ALKBH5: variants seen among roughly 807,000 people sequenced by gnomAD.
ALKBH5 encodes the protein alkB homolog 5, RNA demethylase, also known as RNA demethylase ALKBH5.
Under a neutral mutation model 32.1 loss-of-function variants are expected in ALKBH5, and 2 were observed. The ratio of observed to expected loss-of-function variants is 0.06; its 90% confidence interval spans 0.03 to 0.20. The LOEUF is 0.20. ALKBH5 is among the 10% of genes least tolerant of loss of function. The probability of loss-of-function intolerance (pLI) is 1.00; values close to 1 mark genes in which losing one functional copy is unlikely to be tolerated. For missense variants in ALKBH5, 352 were observed against 559.5 expected, an observed-to-expected ratio of 0.63 and a Z score of 3.74; for synonymous variants, 300 against 231.7, an observed-to-expected ratio of 1.29 and a Z score of -2.68.
In ALKBH5 at chr17:18,208,940, TC is replaced by T. The variant is rs770135744; in HGVS notation, c.*546del. ...AGCTCATGCAAACACCCTTTCTTCC[TC>T]CTGCGGCAGAGTTGTTCAGGTTGCC... On this transcript the variant is annotated 3_prime_UTR_variant, in exon 4 of 4. Transcript: ENST00000399138. The T allele has an allele frequency of 9.8e-6, 2 of 204,114 alleles. No homozygotes were observed. The highest frequency in any genetic ancestry group is 1.4e-4 in the East Asian group (1 of 7,336). 12.6% of individuals were successfully genotyped at this position (204,114 alleles called of 1,614,324 possible). A position where few individuals can be genotyped will look rare whatever the true frequency, so the allele number is the denominator to read the frequency against.
At chr17:18,205,541 C>T (rs1216229817) in intron 2 of ALKBH5, among the ~76,000 whole-genome samples, 1 of 152,228 alleles carries the variant, frequency 6.6e-6, no homozygotes, top group Non-Finnish European at 1.5e-5. Context: ...AGATTTCCTA[C>T]CCACGTTCAG....
chr17:18,185,103 G>A (rs150152593), intron 1 of ALKBH5, 90 bp downstream of exon 1: 743 of 1,521,834 alleles, frequency 4.9e-4, no homozygotes, highest in Non-Finnish European at 6.1e-4. Context: ...AGGAGTCTGC[G>A]TTTTTTACAG....
At position 18,184,063 on chromosome 17, in the gene ALKBH5, G is replaced by A; in HGVS notation, c.-181G>A. 2.9e-6 allele frequency: 2 copies of A among 683,050 alleles called. No homozygotes were observed. The highest frequency in any genetic ancestry group is 3.0e-5 in the East Asian group (1 of 33,816). 42.3% of individuals were successfully genotyped at this position (683,050 alleles called of 1,614,324 possible). On this transcript the variant is annotated 5_prime_UTR_variant, in exon 1 of 4. Transcript: ENST00000399138. ...TGTCGCCACCGTTGCATGACCCGCC[G>A]CTCCTGAGGCCCTACCCCACGCCCG...
intron 1 of ALKBH5, among the ~76,000 whole-genome samples, chr17:18,194,213 G>A (rs1161776396): frequency 6.6e-6 from 1 of 152,060 alleles, no homozygotes; most frequent in African/African-American, 2.4e-5. Context: ...GGTGCAGTGG[G>A]CGTGATCTTG....
At chr17:18,206,258 G>C (rs546052263) in intron 2 of ALKBH5, among the ~76,000 whole-genome samples, 1 of 152,316 alleles carries the variant, frequency 6.6e-6, no homozygotes, top group African/African-American at 2.4e-5. Flanking sequence ...GAAATGAGCA[G>C]AAACTGCCAG....
intron 3 of ALKBH5, among the ~76,000 whole-genome samples, chr17:18,208,009 A>G (rs553326621): frequency 1.3e-5 from 2 of 152,306 alleles, no homozygotes; most frequent in East Asian, 3.9e-4. Context: ...CAGACCCCAC[A>G]GGGTAATTGG....
In ALKBH5 at chr17:18,208,624, G is replaced by A. The variant is rs749690919; in HGVS notation, c.*228G>A. The A allele has an allele frequency of 1.5e-5, 10 of 646,368 alleles. No homozygotes were observed. The highest frequency in any genetic ancestry group is 2.8e-5 in the Non-Finnish European group (10 of 361,312). The allele number at this position is 646,368 out of a possible 1,614,324, so 40.0% of individuals were successfully genotyped here. On this transcript the variant is annotated 3_prime_UTR_variant, in exon 4 of 4. Coordinates refer to ENST00000399138, the MANE Select transcript of ALKBH5 (RefSeq NM_017758.4). ...GGTATTCCTCCTGGATGGAAAGGCT[G>A]TTGGCATCAATAGGGGACAGAGGCT...
intron 2 of ALKBH5, among the ~76,000 whole-genome samples, chr17:18,204,046 T>C (rs1462042977): frequency 6.6e-6 from 1 of 152,174 alleles, no homozygotes; most frequent in Non-Finnish European, 1.5e-5. Flanking sequence ...GGAGGGACTT[T>C]CTTCAATGAG....
chr17:18,206,590 A>G, intron 2 of ALKBH5: 1 of 504,462 alleles, frequency 2.0e-6, no homozygotes, highest in Non-Finnish European at 3.5e-6. Flanking sequence ...GTTTCCAGAC[A>G]GAAGTGTTCC....
intron 1 of ALKBH5, among the ~76,000 whole-genome samples, chr17:18,191,500 A>G (rs2047174814): frequency 6.6e-6 from 1 of 152,216 alleles, no homozygotes; most frequent in African/African-American, 2.4e-5. Flanking sequence ...CGGGCAGTCA[A>G]GCTTTGACAA....
chr17:18,200,112 A>AAATTT (rs565221204), intron 2 of ALKBH5, among the ~76,000 whole-genome samples: 1 of 135,528 alleles, frequency 7.4e-6, no homozygotes, highest in African/African-American at 2.9e-5. Flanking sequence ...AAAAAAAAAA[A>AAATTT]TTTTTTTTTT....
At chr17:18,194,539 G>C (rs1480325009) in intron 1 of ALKBH5, among the ~76,000 whole-genome samples, 1 of 152,164 alleles carries the variant, frequency 6.6e-6, no homozygotes, top group Non-Finnish European at 1.5e-5. Flanking sequence ...TTCTATTTTG[G>C]AATGAGGCAG....
intron 1 of ALKBH5, among the ~76,000 whole-genome samples, chr17:18,192,408 T>C (rs1236391323): frequency 2.0e-5 from 3 of 152,238 alleles, no homozygotes; most frequent in African/African-American, 7.2e-5. Flanking sequence ...TCTTGTAATC[T>C]TAAAAACTTT....
intron 1 of ALKBH5, among the ~76,000 whole-genome samples, chr17:18,189,634 CTTGG>C (rs149087423): frequency 1.9e-3 from 296 of 152,332 alleles, no homozygotes; most frequent in African/African-American, 6.7e-3. Context: ...TGACAGCAGA[CTTGG>C]TTGGAGTTAC....
At chr17:18,204,211 G>T (rs11655731) in intron 2 of ALKBH5, among the ~76,000 whole-genome samples, 25,813 of 152,204 alleles carry the variant, frequency 0.17, 2,330 homozygotes, top group Middle Eastern at 0.21. Context: ...CAGCACTTTG[G>T]GAAGCCAGGA....
intron 1 of ALKBH5, among the ~76,000 whole-genome samples, chr17:18,191,526 C>T (rs73288245): frequency 0.026 from 3,977 of 152,204 alleles, 193 homozygotes; most frequent in African/African-American, 0.09. Flanking sequence ...TGGATTTGCT[C>T]CAGAACTGCA....
At chr17:18,201,218 T>A (rs2047234713) in intron 2 of ALKBH5, among the ~76,000 whole-genome samples, 1 of 152,184 alleles carries the variant, frequency 6.6e-6, no homozygotes, top group Non-Finnish European at 1.5e-5. Context: ...TGTGGTTAGA[T>A]TTAGCTTACA....
intron 2 of ALKBH5, among the ~76,000 whole-genome samples, chr17:18,203,625 C>T (rs1178721753): frequency 1.3e-5 from 2 of 152,254 alleles, no homozygotes; most frequent in African/African-American, 2.4e-5. Flanking sequence ...ACTGAGCCTC[C>T]TGAATCCAGA....
chr17:18,194,565 G>C (rs532546976), intron 1 of ALKBH5, among the ~76,000 whole-genome samples: 38 of 152,264 alleles, frequency 2.5e-4, no homozygotes, highest in Admixed American at 9.8e-4. Flanking sequence ...GCTCTCCCTG[G>C]TGACTCAGTG....
Sources: allele counts gnomAD v4.1 joint callset (sites outside exome capture counted in the v4.1 genomes callset), GRCh38; gene constraint gnomAD v4.1.1; transcripts MANE v1.5; gene names NCBI Gene and HGNC (gene_info 2026-07-23, HGNC 2026-07-21).